The following WDFY4 variants were observed in gnomAD, a reference collection of about 807,000 sequenced individuals.
WDFY4 encodes WDFY family member 4, also known as WD repeat- and FYVE domain-containing protein 4.
A neutral mutation model predicts 351.9 loss-of-function variants in WDFY4; 169 were observed. The ratio of observed to expected loss-of-function variants is 0.48; its 90% CI spans 0.42 to 0.55. WDFY4 has a LOEUF of 0.55. Among genes scored for constraint, WDFY4 ranks in the 20% least tolerant of loss-of-function variants. WDFY4 has a pLI of 0.00. For synonymous variants in WDFY4, 1,622 were observed against 1,574.6 expected (o/e 1.03, Z -0.71); for missense variants, 3,803 against 3,935.6 (o/e 0.97, Z 0.90).
At chr10:48,932,500 G>T (rs1437944170) in intron 47 of WDFY4, 3 of 152,204 alleles carry the variant, frequency 2.0e-5, no homozygotes, top group East Asian at 3.8e-4. Flanking sequence ...AATCTCTAGA[G>T]CTGGCTACAG....
At position 48,796,355 on chromosome 10, in the gene WDFY4, C is replaced by T; in HGVS notation, c.4315C>T (p.Leu1439=). ...ASLLNHRIFQ[L]ILSVAGTVEL... ...TCTCCTGAACCATCGAATTTTTCAG[C>T]TGATCCTCTCAGTGGCTGGCACTGT... Residue 1439 remains leucine, a synonymous_variant, in exon 24 of 62, where the codon CTG becomes TTG. Coordinates refer to ENST00000325239, the MANE Select transcript of WDFY4 (RefSeq NM_001394531.1). The T allele has an allele frequency of 6.4e-7, 1 of 1,552,398 alleles. No individual in the cohort carries two copies. The highest frequency in any genetic ancestry group is 8.7e-7 in the Non-Finnish European group (1 of 1,147,140).
At chr10:48,810,456 G>A (rs2067408639) in intron 28 of WDFY4, 74 bp from the exon 29 acceptor site, 1 of 1,413,780 alleles carries the variant, frequency 7.1e-7, no homozygotes. Flanking sequence ...TGTAAGGCTG[G>A]ACATTTCATA....
chr10:48,828,171 A>G (rs984475153), intron 36 of WDFY4, among the ~76,000 whole-genome samples: 2 of 152,218 alleles, frequency 1.3e-5, no homozygotes, highest in African/African-American at 4.8e-5. Flanking sequence ...CGTTAACACA[A>G]TGGGGACCCC....
At chr10:48,849,432 G>C (rs1254201889) in intron 39 of WDFY4, among the ~76,000 whole-genome samples, 2 of 152,134 alleles carry the variant, frequency 1.3e-5, no homozygotes, top group Admixed American at 1.3e-4. Context: ...GAAGTGACTG[G>C]CTTGTGCAAT....
chr10:48,902,765 G>A (rs1256655440), intron 47 of WDFY4, among the ~76,000 whole-genome samples: 6 of 151,928 alleles, frequency 3.9e-5, no homozygotes, highest in Admixed American at 3.9e-4. Flanking sequence ...GGTGGGCATT[G>A]AAATCTTAGA....
At position 48,735,953 on chromosome 10, in the gene WDFY4, G is replaced by C; in HGVS notation, c.1761G>C (p.Ser587=). The change falls in exon 11 of 62, where the codon TCG becomes TCC. Residue 587 remains serine, a synonymous_variant. Transcript: ENST00000325239. ...FLDDECYREA[S]LSILEQLSAI... ...ATGACGAGTGCTACCGGGAGGCCTC[G>C]CTCAGCATCTTGGAGCAGCTCTCAG... 1 of 1,551,750 alleles carries C rather than the reference G, an allele frequency of 6.4e-7. No individual in the cohort carries two copies. The highest frequency in any genetic ancestry group is 8.7e-7 in the Non-Finnish European group (1 of 1,147,020).
rs1050460660 is a variant in WDFY4, at chr10:48,778,496, G to A, written c.3176-115G>A. ...ATGGGGAGGAGACAACTGGTGATTA[G>A]GCAAGACACCCAGTAGGTGCTGCAC... On this transcript the variant is annotated intron_variant, in intron 17 of 61. Transcript: ENST00000325239. 12 of 1,045,838 alleles carry A rather than the reference G, an allele frequency of 1.1e-5. No homozygotes were observed. The Admixed American group carries it at 2.6e-4, about 23-fold the overall frequency. The allele number at this position is 1,045,838 out of a possible 1,614,324, so 64.8% of individuals were successfully genotyped here. A position where few individuals can be genotyped will look rare whatever the true frequency, so the allele number is the denominator to read the frequency against.
chr10:48,689,112 G>A (rs544020771), intron 1 of WDFY4, among the ~76,000 whole-genome samples: 2 of 151,766 alleles, frequency 1.3e-5, no homozygotes, highest in South Asian at 4.2e-4. Context: ...AATATATCTT[G>A]TGTAGGAGGG....
At chr10:48,887,820 T>G (rs1050817424) in intron 43 of WDFY4, among the ~76,000 whole-genome samples, 8 of 151,370 alleles carry the variant, frequency 5.3e-5, no homozygotes, top group Admixed American at 6.6e-5. Context: ...TACTTGTGTA[T>G]TCAAAATGAC....
chr10:48,707,957 C>A (rs12357601), intron 1 of WDFY4, among the ~76,000 whole-genome samples: 1 of 151,944 alleles, frequency 6.6e-6, no homozygotes, highest in Admixed American at 6.5e-5. Flanking sequence ...CAACTTAATC[C>A]CCCACAAAAC....
At chr10:48,694,285 C>T (rs976351484) in intron 1 of WDFY4, among the ~76,000 whole-genome samples, 1 of 152,106 alleles carries the variant, frequency 6.6e-6, no homozygotes, top group Non-Finnish European at 1.5e-5. Flanking sequence ...AGCTTTCTGC[C>T]CTGTTCCTGC....
At chr10:48,956,954 C>T (rs755545804) in intron 51 of WDFY4, among the ~76,000 whole-genome samples, 175 bp from the exon 52 acceptor site, 52 of 152,180 alleles carry the variant, frequency 3.4e-4, no homozygotes, top group Non-Finnish European at 3.1e-4. Flanking sequence ...ATGAAGGAAC[C>T]GGTGGCTGGA....
intron 47 of WDFY4, among the ~76,000 whole-genome samples, chr10:48,913,065 G>A (rs755836148): frequency 1.3e-5 from 2 of 152,122 alleles, no homozygotes; most frequent in East Asian, 1.9e-4. Context: ...AGTGTGTGGC[G>A]GCATTAGCTG....
chr10:48,733,691 C>T (rs933576835), intron 9 of WDFY4, among the ~76,000 whole-genome samples: 7 of 152,130 alleles, frequency 4.6e-5, no homozygotes, highest in African/African-American at 1.7e-4. Flanking sequence ...GGGATGGGAC[C>T]CAGCATGGGG....
intron 1 of WDFY4, among the ~76,000 whole-genome samples, chr10:48,692,095 C>A (rs2063210169): frequency 6.6e-6 from 1 of 152,210 alleles, no homozygotes; most frequent in South Asian, 2.1e-4. Flanking sequence ...AACCAGGAAC[C>A]AAGCCTGCAT....
intron 12 of WDFY4, among the ~76,000 whole-genome samples, chr10:48,749,402 C>G (rs928551948): frequency 6.6e-6 from 1 of 151,780 alleles, no homozygotes; most frequent in African/African-American, 2.4e-5. Flanking sequence ...TACTGGCATA[C>G]CACACACCCA....
chr10:48,953,890 G>A (rs1356772994), intron 51 of WDFY4, among the ~76,000 whole-genome samples: 1 of 152,198 alleles, frequency 6.6e-6, no homozygotes, highest in African/African-American at 2.4e-5. Context: ...TCATCCATAG[G>A]CAATGGTGCA....
At chr10:48,916,871 ATGTGTGTGTGTGTG>A (rs55891907) in intron 47 of WDFY4, among the ~76,000 whole-genome samples, 29,509 of 149,334 alleles carry the variant, frequency 0.2, 3,178 homozygotes, top group Non-Finnish European at 0.26. Flanking sequence ...CTTTAAAAAT[ATGTGTGTGTGTGTG>A]TGTGTGTGTG....
Position 48,743,510 on chromosome 10 carries a change from C to G in WDFY4, c.2421C>G (p.Pro807=), listed in dbSNP as rs2064919691. Residue 807 remains proline (P), a synonymous_variant, in exon 12 of 62, where the codon CCC becomes CCG. Coordinates refer to ENST00000325239, the MANE Select transcript of WDFY4 (RefSeq NM_001394531.1). ...DVQKGETGSD[P]QRNFKQWPDL... is the part of the protein sequence containing the mutation. ...AGAAGGGAGAAACTGGCAGTGACCC[C>G]CAACGCAACTTCAAGCAGTGGCCAG... 1.3e-6 allele frequency: 2 copies of G among 1,539,886 alleles called. No homozygotes were observed. Among genetic ancestry groups the G allele is most frequent in the African/African-American group, 2.7e-5 (2 of 72,998 alleles).
Sources: allele counts gnomAD v4.1 joint callset (sites outside exome capture counted in the v4.1 genomes callset), GRCh38; gene constraint gnomAD v4.1.1; transcripts MANE v1.5; gene names NCBI Gene and HGNC (gene_info 2026-07-23, HGNC 2026-07-21).